Variants in BECN1 observed in about 807,000 individuals in gnomAD.
BECN1 encodes the protein beclin-1.
A neutral mutation model predicts 60.1 loss-of-function variants in BECN1; 15 were observed. The ratio of observed to expected loss-of-function variants is 0.25; its 90% CI spans 0.17 to 0.38. The LOEUF (loss-of-function observed/expected upper bound fraction) is 0.38. Ranked by LOEUF, BECN1 falls within the 10% of genes least tolerant of loss-of-function variation. The probability of loss-of-function intolerance (pLI) is 1.00; values close to 1 mark genes in which losing one functional copy is unlikely to be tolerated. For missense variants in BECN1, 424 were observed against 548.2 expected (o/e 0.77, Z 2.26); for synonymous variants, 179 against 201.8 (o/e 0.89, Z 0.96).
In BECN1 at chr17:42,818,769, G is replaced by A. The variant is rs376109783; in HGVS notation, c.351+18C>T. The A allele has an allele frequency of 8.8e-5, 142 of 1,614,018 alleles. 1 individual carries two copies. Among genetic ancestry groups the A allele is most frequent in the African/African-American group, 2.0e-4 (15 of 75,010 alleles). On this transcript the variant is annotated intron_variant, in intron 5 of 11. Coordinates refer to ENST00000590099, the MANE Select transcript of BECN1 (RefSeq NM_001313998.2). Reference sequence around the variant, plus strand: ...CCAGCCAGGCCTACTGCTTGCCACCGGAATGGGGCCGACTTGCCTTCAGTC... The same window carrying A: ...CCAGCCAGGCCTACTGCTTGCCACCAGAATGGGGCCGACTTGCCTTCAGTC...
chr17:42,823,846 G>A lies in BECN1; in HGVS notation c.32C>T (p.Thr11Ile). 1 of 1,614,146 alleles carries A rather than the reference G, an allele frequency of 6.2e-7. No homozygotes were observed. The highest frequency in any genetic ancestry group is 8.5e-7 in the Non-Finnish European group (1 of 1,180,016). The change falls in exon 2 of 12, where the codon ACC (threonine) becomes ATC (isoleucine). Residue 11 changes from threonine (T) to isoleucine (I), a missense_variant. Physicochemically the swap from Thr to Ile is moderately conservative, Grantham distance 89. Transcript: ENST00000590099. The stretch of plus-strand genomic sequence containing the variant: ...CTGGCACACGAAGCTCACCTGCATG[G>A]TGCTGTTGTTGGACGTCTTAGACCC... The part of the protein sequence containing the change: MEGSKTSNNS[T>I]MQVSFVCQRC...
At chr17:42,820,629 T>C (rs2055242745) in intron 3 of BECN1, 145 bp downstream of exon 3, 1 of 700,470 alleles carries the variant, frequency 1.4e-6, no homozygotes, top group African/African-American at 1.8e-5. Context: ...GAATGTCTCA[T>C]TACCCAGAGA....
chr17:42,820,267 T>A (rs2055235600), intron 3 of BECN1: 1 of 155,146 alleles, frequency 6.4e-6, no homozygotes, highest in Non-Finnish European at 1.4e-5. Flanking sequence ...CAATAGTATC[T>A]CACAGGATGT....
chr17:42,815,675 T>C, intron 8 of BECN1: 1 of 555,908 alleles, frequency 1.8e-6, no homozygotes. Flanking sequence ...GCTTACCAGG[T>C]TTTTAAGTGG....
At position 42,815,975 on chromosome 17, in the gene BECN1, G is replaced by A. The variant is rs143018406; in HGVS notation, c.763C>T (p.Arg255Cys). Residue 255 changes from arginine (R) to cysteine (C), a missense_variant, in exon 8 of 12, where the codon CGT becomes TGT. By Grantham distance (180) the Arg-to-Cys change is radical. Transcript: ENST00000590099. ...TTATCCAGCTGCGTCTGGGCATAAC[G>A]CATCTGGTTTTCAACACTCTTCAGC... ...DELKSVENQM[R>C]YAQTQLDKLK... 139 of 1,613,796 alleles carry A rather than the reference G, an allele frequency of 8.6e-5. No homozygotes were observed. The highest frequency in any genetic ancestry group is 3.0e-4 in the Admixed American group (18 of 59,950).
chr17:42,819,334 A>C (rs1349025795), intron 4 of BECN1: 5 of 533,272 alleles, frequency 9.4e-6, no homozygotes, highest in Non-Finnish European at 1.7e-5. Flanking sequence ...TCATCATTAA[A>C]GCTACTATCC....
At chr17:42,820,560 C>T (rs1446219870) in intron 3 of BECN1, 1 of 489,548 alleles carries the variant, frequency 2.0e-6, no homozygotes, top group African/African-American at 1.9e-5. Context: ...AATTCAGTAA[C>T]CCTGTGACCT....
intron 10 of BECN1, 59 bp downstream of exon 10, chr17:42,813,889 A>G (rs2055089376): frequency 3.1e-6 from 4 of 1,271,376 alleles, no homozygotes; most frequent in South Asian, 1.4e-5. Context: ...CAAACCATCC[A>G]TTTTCTTAAG....
At position 42,811,971 on chromosome 17, in the gene BECN1, G is replaced by A. The variant is rs1315741187; in HGVS notation, c.1042-174C>T. 5 of 709,572 alleles carry A rather than the reference G, an allele frequency of 7.0e-6. No individual in the cohort carries two copies. In the East Asian group the frequency reaches 1.1e-4, roughly 16 times the overall value. The allele number at this position is 709,572 out of a possible 1,614,324, so 44.0% of individuals were successfully genotyped here. ...GAACAACTACAATAAGCTTGGGCAA[G>A]TAACAATGCACTTAGAACTGTTTCA... On this transcript the variant is annotated intron_variant, in intron 10 of 11. Transcript: ENST00000590099.
chr17:42,817,566 G>C (rs763368126), intron 7 of BECN1, among the ~76,000 whole-genome samples: 17 of 152,168 alleles, frequency 1.1e-4, no homozygotes, highest in East Asian at 3.8e-4. Context: ...TTTTGAGACA[G>C]GGTCTCAACT....
intron 11 of BECN1, chr17:42,811,372 C>G: frequency 2.9e-6 from 1 of 345,028 alleles, no homozygotes; most frequent in Non-Finnish European, 5.2e-6. Flanking sequence ...TTTCCAAGGG[C>G]TTCAGGGAAA....
chr17:42,821,336 G>T (rs747551282), intron 2 of BECN1, among the ~76,000 whole-genome samples: 1 of 152,136 alleles, frequency 6.6e-6, no homozygotes, highest in African/African-American at 2.4e-5. Flanking sequence ...ATTACAGGCT[G>T]AGTCACCGCG....
chr17:42,817,606 G>C (rs2144182186), intron 7 of BECN1, among the ~76,000 whole-genome samples: 1 of 152,292 alleles, frequency 6.6e-6, no homozygotes, highest in Admixed American at 6.5e-5. Flanking sequence ...GCAGAGGTGT[G>C]ATCACAGCAC....
intron 2 of BECN1, among the ~76,000 whole-genome samples, chr17:42,821,296 C>T (rs1327761139): frequency 6.6e-6 from 1 of 152,116 alleles, no homozygotes; most frequent in Non-Finnish European, 1.5e-5. Flanking sequence ...ACCTCGTGAT[C>T]CACCCGTCTC....
chr17:42,819,139 T>C (rs1489969798), intron 4 of BECN1: 1 of 513,478 alleles, frequency 1.9e-6, no homozygotes, highest in East Asian at 3.1e-5. Flanking sequence ...ATGTCTACAG[T>C]GGAAAAGAAG....
chr17:42,816,271 A>C (rs758996762), intron 7 of BECN1, among the ~76,000 whole-genome samples: 21 of 152,242 alleles, frequency 1.4e-4, no homozygotes, highest in Admixed American at 1.3e-3. Flanking sequence ...ATATGCAAAA[A>C]GGTGGAGGAA....
intron 2 of BECN1, among the ~76,000 whole-genome samples, chr17:42,822,217 A>C (rs113401648): frequency 0.016 from 2,491 of 152,308 alleles, 89 homozygotes; most frequent in South Asian, 0.11. Context: ...AACAAACAAA[A>C]AAAAGAGCTA....
intron 7 of BECN1, among the ~76,000 whole-genome samples, chr17:42,817,043 C>A (rs2055161480): frequency 6.6e-6 from 1 of 151,866 alleles, no homozygotes. Context: ...GCCTGTAAAC[C>A]CAGCACTTTG....
intron 10 of BECN1, 35 bp downstream of exon 10, chr17:42,813,913 C>G: frequency 6.8e-7 from 1 of 1,474,186 alleles, no homozygotes. Context: ...TATAAGAACT[C>G]TGTATTCCAG....
Sources: allele counts gnomAD v4.1 joint callset (sites outside exome capture counted in the v4.1 genomes callset), GRCh38; gene constraint gnomAD v4.1.1; transcripts MANE v1.5; gene names NCBI Gene and HGNC (gene_info 2026-07-23, HGNC 2026-07-21).